The following DEF6 variants were observed in gnomAD, a reference collection of about 807,000 sequenced individuals.
DEF6 encodes differentially expressed in FDCP 6 homolog.
In DEF6, 32 loss-of-function variants were observed where a neutral mutation model predicts 80.5. The ratio of observed to expected loss-of-function variants is 0.40; its 90% CI spans 0.30 to 0.53. DEF6 has a LOEUF of 0.53. Ranked by LOEUF, DEF6 falls within the 20% of genes least tolerant of loss-of-function variation. DEF6 has a pLI of 0.57. For missense variants in DEF6, 575 were observed against 818.7 expected, an observed-to-expected ratio of 0.70 and a Z score of 3.63; for synonymous variants, 300 against 337.9, an observed-to-expected ratio of 0.89 and a Z score of 1.23.
chr6:35,305,597 T>C (rs1478735269), intron 1 of DEF6, among the ~76,000 whole-genome samples: 1 of 151,724 alleles, frequency 6.6e-6, no homozygotes, highest in Non-Finnish European at 1.5e-5. Flanking sequence ...TGTGACAGAG[T>C]CTCACTCTGC....
chr6:35,308,394 C>T (rs955108637), intron 1 of DEF6, among the ~76,000 whole-genome samples: 9 of 151,500 alleles, frequency 5.9e-5, no homozygotes, highest in Non-Finnish European at 1.0e-4. Flanking sequence ...AAGTTTTGGC[C>T]GGGCATGGTG....
Position 35,312,768 on chromosome 6 carries a change from TG to T in DEF6, c.805del (p.Glu269ArgfsTer15). On this transcript the variant is annotated frameshift_variant, in exon 5 of 11. Transcript: ENST00000316637. LOFTEE classifies it high-confidence loss of function. This position sits in a 1 kb window ranked among gnomAD's most constrained non-coding sequence, Gnocchi z 6.6. ...ATCCCGCTGGATGCACACTGCTGCGTGGAGGTGAGGGGCAGGATGGGGGTGG... is the reference window on the plus strand; with the variant it reads ...ATCCCGCTGGATGCACACTGCTGCGTGAGGTGAGGGGCAGGATGGGGGTGG... ...GIIPLDAHCC[V>X]EVLPDRDGKR... The T allele has an allele frequency of 6.2e-7, 1 of 1,600,104 alleles. No individual in the cohort carries two copies. Among genetic ancestry groups the T allele is most frequent in the South Asian group, 1.1e-5 (1 of 90,134 alleles).
In DEF6 at chr6:35,312,465, GCGTGGGCCGGGACA is replaced by G; in HGVS notation, c.589_602del (p.Val197ProfsTer50). On this transcript the variant is annotated frameshift_variant, in exon 4 of 11. Coordinates refer to ENST00000316637, the MANE Select transcript of DEF6 (RefSeq NM_022047.4). LOFTEE classifies it high-confidence loss of function. The surrounding 1 kb of genome is among the most constrained non-coding windows in gnomAD (Gnocchi z 6.6). The stretch of plus-strand genomic sequence containing the variant: ...TTCAATTCGGGCCGCTGCCTGCGGG[GCGTGGGCCGGGACA>G]CCCTCAGCATGGCCATCCACGAGGT... 6.2e-7 allele frequency: 1 copy of G among 1,614,182 alleles called. No homozygotes were observed. The highest frequency in any genetic ancestry group is 1.1e-5 in the South Asian group (1 of 91,084).
chr6:35,300,488 A>T (rs73409765), intron 1 of DEF6, among the ~76,000 whole-genome samples: 4,024 of 152,312 alleles, frequency 0.026, 65 homozygotes, highest in Middle Eastern at 0.054. Context: ...ACCCACGATG[A>T]GGCCAGAGGG....
Position 35,320,989 on chromosome 6 carries a change from ACT to A in DEF6, c.1672+18_1672+19del. The A allele has an allele frequency of 6.2e-7, 1 of 1,611,658 alleles. No homozygotes were observed. Among genetic ancestry groups the A allele is most frequent in the Non-Finnish European group, 8.5e-7 (1 of 1,178,378 alleles). Reference sequence around the variant, plus strand: ...TGAGCCTGGAGGTGAGAAGGAATAGACTCTGGAGCTTTCCCTGGAGCTGGGAG... The same window carrying A: ...TGAGCCTGGAGGTGAGAAGGAATAGACTGGAGCTTTCCCTGGAGCTGGGAG... On this transcript the variant is annotated intron_variant, in intron 10 of 10. Coordinates refer to ENST00000316637, the MANE Select transcript of DEF6 (RefSeq NM_022047.4).
At chr6:35,311,757 C>T (rs1053248619) in intron 3 of DEF6, among the ~76,000 whole-genome samples, 2 of 152,202 alleles carry the variant, frequency 1.3e-5, no homozygotes, top group Non-Finnish European at 2.9e-5. Context: ...CTACTCCCCA[C>T]TCCCCAACGC....
Position 35,320,912 on chromosome 6 carries a change from G to A in DEF6, c.1610G>A (p.Ser537Asn). 1 of 1,611,106 alleles carries A rather than the reference G, an allele frequency of 6.2e-7. No individual in the cohort carries two copies. Among genetic ancestry groups the A allele is most frequent in the Non-Finnish European group, 8.5e-7 (1 of 1,178,352 alleles). The change falls in exon 10 of 11, where the codon AGC (serine) becomes AAC (asparagine). Residue 537 changes from serine (S) to asparagine (N), a missense_variant. Physicochemically the swap from Ser to Asn is conservative, Grantham distance 46 (BLOSUM62 1). Coordinates refer to ENST00000316637, the MANE Select transcript of DEF6 (RefSeq NM_022047.4). ...GCCCAGAGAAAACTGCGCCAGGCCAGCACCAACGTGAAACACTGGAATGTC... is the reference window on the plus strand; with the variant it reads ...GCCCAGAGAAAACTGCGCCAGGCCAACACCAACGTGAAACACTGGAATGTC... ...EAAQRKLRQA[S>N]TNVKHWNVQM... is the part of the protein sequence containing the mutation.
intron 1 of DEF6, among the ~76,000 whole-genome samples, chr6:35,308,076 G>A (rs1476070796): frequency 1.3e-5 from 2 of 152,206 alleles, no homozygotes; most frequent in Non-Finnish European, 2.9e-5. Context: ...CTTGACATCA[G>A]TATTCTAGTA....
intron 1 of DEF6, among the ~76,000 whole-genome samples, 172 bp downstream of exon 1, chr6:35,298,124 A>G (rs1791264008): frequency 6.6e-6 from 1 of 152,200 alleles, no homozygotes; most frequent in African/African-American, 2.4e-5. Context: ...AGCCTGGTAG[A>G]TGCCGCTGCC....
chr6:35,309,905 T>G, intron 2 of DEF6, 95 bp downstream of exon 2: 1 of 1,432,970 alleles, frequency 7.0e-7, no homozygotes, highest in Non-Finnish European at 9.6e-7. Flanking sequence ...TCTTCGCCCC[T>G]GCCATAAACT....
intron 1 of DEF6, among the ~76,000 whole-genome samples, chr6:35,303,128 G>T (rs928906836): frequency 6.6e-6 from 1 of 152,150 alleles, no homozygotes; most frequent in Non-Finnish European, 1.5e-5. Flanking sequence ...CTGGAGAGAG[G>T]CCCTGAGTGT....
chr6:35,303,107 G>A (rs113532352), intron 1 of DEF6, among the ~76,000 whole-genome samples: 2,069 of 152,168 alleles, frequency 0.014, 17 homozygotes, highest in African/African-American at 0.025. Flanking sequence ...GTCTGAGGTC[G>A]GCCCAGCTCT....
chr6:35,298,022 G>C, intron 1 of DEF6, 70 bp downstream of exon 1: 1 of 1,359,982 alleles, frequency 7.4e-7, no homozygotes, highest in Non-Finnish European at 1.0e-6. Flanking sequence ...CTGGGAGCCA[G>C]GTGTGGACAC....
chr6:35,298,149 C>G (rs1031330260), intron 1 of DEF6, among the ~76,000 whole-genome samples, 197 bp downstream of exon 1: 2 of 152,186 alleles, frequency 1.3e-5, no homozygotes, highest in Admixed American at 6.5e-5. Context: ...CTCCAGAGAC[C>G]TAGTGAAGTG....
intron 5 of DEF6, 95 bp from the exon 6 acceptor site, chr6:35,317,796 A>T: frequency 9.6e-7 from 1 of 1,042,004 alleles, no homozygotes; most frequent in Non-Finnish European, 1.4e-6. Flanking sequence ...GAAGATAGCC[A>T]GGAGGGCTAG....
chr6:35,301,971 C>T (rs1009890603), intron 1 of DEF6, among the ~76,000 whole-genome samples: 2 of 152,102 alleles, frequency 1.3e-5, no homozygotes, highest in Admixed American at 6.5e-5. Context: ...AGGTGATCCA[C>T]CTGCCTTGGC....
rs1791565948 is a variant in DEF6, at chr6:35,319,737, A to G, written c.1382+47A>G. On this transcript the variant is annotated intron_variant, in intron 8 of 10. Coordinates refer to ENST00000316637, the MANE Select transcript of DEF6 (RefSeq NM_022047.4). This position sits in a 1 kb window ranked among gnomAD's most constrained non-coding sequence, Gnocchi z 4.5. ...TGGTTCTCTCACCACCCCTCCTGGA[A>G]CACACCCCAGTTTTCCTGCTTGCTG... is the stretch of plus-strand genomic sequence containing the variant. 1.9e-6 allele frequency: 3 copies of G among 1,609,606 alleles called. No homozygotes were observed. Among genetic ancestry groups the G allele is most frequent in the Non-Finnish European group, 2.5e-6 (3 of 1,176,860 alleles).
At chr6:35,300,799 G>A (rs1791304431) in intron 1 of DEF6, among the ~76,000 whole-genome samples, 1 of 152,204 alleles carries the variant, frequency 6.6e-6, no homozygotes, top group Middle Eastern at 3.2e-3. Flanking sequence ...TCCTGACAGA[G>A]GGCTATAGAG....
At chr6:35,314,174 G>C (rs184521316) in intron 5 of DEF6, among the ~76,000 whole-genome samples, 37 of 152,228 alleles carry the variant, frequency 2.4e-4, no homozygotes, top group Non-Finnish European at 4.6e-4. Flanking sequence ...TTGGGAGGCC[G>C]AGGCTGGTGG....
Sources: gnomAD v4.1 joint callset for allele counts (sites outside exome capture counted in the v4.1 genomes callset) on GRCh38, gnomAD v4.1.1 for gene constraint, Gnocchi (gnomAD v3.1) non-coding constraint, MANE v1.5 for transcripts, NCBI Gene and HGNC (gene_info 2026-07-23, HGNC 2026-07-21) for gene names.